DUSP13A: variants seen among roughly 807,000 people sequenced by gnomAD.
DUSP13A encodes the protein dual specificity phosphatase 13A.
chr10:75,108,308 G>T, the DUSP13A span: 12 of 1,487,162 alleles, frequency 8.1e-6, no homozygotes, highest in Non-Finnish European at 1.1e-5. Flanking sequence ...AGCCATTAGG[G>T]TCCAAAGAGA....
At chr10:75,108,399 G>A in the DUSP13A span, 18 of 1,050,724 alleles carry the variant, frequency 1.7e-5, no homozygotes, top group Non-Finnish European at 2.2e-5. Context: ...TGGCTGAGCC[G>A]GCGGTGTGTG....
the DUSP13A span, among the ~76,000 whole-genome samples, chr10:75,106,239 G>T: frequency 6.6e-6 from 1 of 151,580 alleles, no homozygotes; most frequent in South Asian, 2.1e-4. Context: ...ACCGCTCCTG[G>T]CCTCCAAACC....
chr10:75,109,025 G>A, the DUSP13A span: 1 of 1,609,276 alleles, frequency 6.2e-7, no homozygotes, highest in Non-Finnish European at 8.5e-7. Context: ...CCTATGAAAA[G>A]GTTGGGCCAA....
At chr10:75,105,790 C>T in the DUSP13A span, 317 of 1,551,026 alleles carry the variant, frequency 2.0e-4, 1 homozygote, top group African/African-American at 3.6e-3. Flanking sequence ...CAGGGACAGC[C>T]GCTGGTGCAG....
At chr10:75,107,108 G>A in the DUSP13A span, among the ~76,000 whole-genome samples, 7 of 152,342 alleles carry the variant, frequency 4.6e-5, no homozygotes, top group Non-Finnish European at 8.8e-5. Flanking sequence ...GGCCGAGGCA[G>A]ACAGATCACT....
chr10:75,105,975 T>A, the DUSP13A span: 1 of 1,039,152 alleles, frequency 9.6e-7, no homozygotes, highest in Non-Finnish European at 1.4e-6. Flanking sequence ...GTGCACTCTG[T>A]GATCCTGAGC....
chr10:75,108,237 G>T, the DUSP13A span: 1 of 1,567,442 alleles, frequency 6.4e-7, no homozygotes, highest in South Asian at 1.2e-5. Flanking sequence ...GGCACTTGAT[G>T]CCGGCCAAGC....
At chr10:75,108,134 G>A in the DUSP13A span, 2 of 1,613,602 alleles carry the variant, frequency 1.2e-6, no homozygotes, top group South Asian at 2.2e-5. Flanking sequence ...CCTGACAGTA[G>A]AGGCCCTTGT....
chr10:75,107,041 A>G, the DUSP13A span, among the ~76,000 whole-genome samples: 1 of 152,168 alleles, frequency 6.6e-6, no homozygotes, highest in Non-Finnish European at 1.5e-5. Context: ...TTTCTAGTTA[A>G]AAGTACTTTG....
chr10:75,109,031 G>C, the DUSP13A span: 32 of 1,610,208 alleles, frequency 2.0e-5, no homozygotes, highest in South Asian at 2.0e-4. Context: ...AAAAGGTTGG[G>C]CCAAACTTCG....
At chr10:75,106,751 T>C in the DUSP13A span, among the ~76,000 whole-genome samples, 1 of 152,236 alleles carries the variant, frequency 6.6e-6, no homozygotes, top group Non-Finnish European at 1.5e-5. Context: ...AGTATTTAGC[T>C]CAGTGCCAGG....
the DUSP13A span, among the ~76,000 whole-genome samples, chr10:75,108,503 C>A: frequency 2.6e-5 from 4 of 152,302 alleles, no homozygotes; most frequent in Admixed American, 1.3e-4. Context: ...AGCCCTGGAA[C>A]CTGGCTGCCC....
At chr10:75,107,917 G>C in the DUSP13A span, 1 of 1,478,088 alleles carries the variant, frequency 6.8e-7, no homozygotes, top group South Asian at 1.3e-5. Flanking sequence ...GGAGGGCACT[G>C]ATGACTGAGA....
the DUSP13A span, chr10:75,108,363 T>C: frequency 2.2e-6 from 3 of 1,366,530 alleles, no homozygotes; most frequent in Admixed American, 5.9e-5. Context: ...TCCACAGCCC[T>C]ATACCCAGAG....
the DUSP13A span, among the ~76,000 whole-genome samples, chr10:75,107,446 G>T: frequency 2.2e-4 from 33 of 152,302 alleles, no homozygotes; most frequent in Non-Finnish European, 4.6e-4. Flanking sequence ...GAGCTGTTCT[G>T]CTGTTTGGGA....
At chr10:75,107,721 T>C in the DUSP13A span, among the ~76,000 whole-genome samples, 7 of 152,036 alleles carry the variant, frequency 4.6e-5, no homozygotes, top group Admixed American at 3.3e-4. Context: ...AGATTATAGG[T>C]GGGTGCCACC....
the DUSP13A span, chr10:75,109,053 G>C: frequency 3.1e-6 from 5 of 1,611,844 alleles, no homozygotes; most frequent in Non-Finnish European, 4.2e-6. Context: ...CCACACGGCT[G>C]CAAGAAGACT....
At chr10:75,107,964 G>A in the DUSP13A span, 5 of 1,591,800 alleles carry the variant, frequency 3.1e-6, no homozygotes, top group South Asian at 2.3e-5. Flanking sequence ...GAGCAAGATG[G>A]GATATGGGCT....
At chr10:75,105,715 T>C in the DUSP13A span, 9 of 1,553,590 alleles carry the variant, frequency 5.8e-6, no homozygotes, top group Admixed American at 1.7e-4. Flanking sequence ...CCTGCAGAGC[T>C]GGTGCAGGAA....
Sources: gnomAD v4.1 joint callset for allele counts (sites outside exome capture counted in the v4.1 genomes callset) on GRCh38, gnomAD v4.1.1 for gene constraint, MANE v1.5 for transcripts, NCBI Gene and HGNC (gene_info 2026-07-23, HGNC 2026-07-21) for gene names.